DPH6: variants seen among roughly 807,000 people sequenced by gnomAD.
DPH6 encodes diphthine--ammonia ligase.
Under a neutral mutation model 38.2 loss-of-function variants are expected in DPH6, and 33 were observed. That is an observed-to-expected ratio of 0.86 (90% confidence interval 0.65 to 1.15). The LOEUF is 1.15. Among genes scored for constraint, DPH6 ranks in the 50% most tolerant of loss-of-function variants. DPH6 has a pLI of 0.00. For missense variants in DPH6, 325 were observed against 320.0 expected, an observed-to-expected ratio of 1.02 and a Z score of -0.12; for synonymous variants, 108 against 103.0, an observed-to-expected ratio of 1.05 and a Z score of -0.30.
chr15:35,213,874 A>G (rs1027154292), downstream of DPH6, among the ~76,000 whole-genome samples: 2 of 152,232 alleles, frequency 1.3e-5, no homozygotes, highest in African/African-American at 4.8e-5. Flanking sequence ...GCACTTTGGG[A>G]GGCCGAGGCG....
the DPH6 span, among the ~76,000 whole-genome samples, chr15:35,211,052 G>A: frequency 1.4e-5 from 2 of 139,798 alleles, no homozygotes; most frequent in East Asian, 2.2e-4. Context: ...CTGTTGAGAC[G>A]TTTACTAGAT....
chr15:35,185,084 G>GAA, the DPH6 span, among the ~76,000 whole-genome samples: 14 of 148,192 alleles, frequency 9.4e-5, no homozygotes, highest in East Asian at 5.9e-4. Flanking sequence ...TCCAATGTGG[G>GAA]AAAAAAAAAA....
At chr15:35,237,098 G>A (rs1242238467) in intron 3 of DPH6, 10 of 555,912 alleles carry the variant, frequency 1.8e-5, no homozygotes, top group Non-Finnish European at 3.2e-6. Context: ...TAGGTATTGG[G>A]TTTTCCTCTA....
At chr15:35,220,766 A>G (rs890828287) in intron 3 of DPH6, among the ~76,000 whole-genome samples, 9 of 152,158 alleles carry the variant, frequency 5.9e-5, no homozygotes, top group African/African-American at 2.2e-4. Context: ...GGAAAGGACA[A>G]CCATTCAAAA....
chr15:35,255,864 T>G (rs2051704714), intron 3 of DPH6, among the ~76,000 whole-genome samples: 1 of 152,152 alleles, frequency 6.6e-6, no homozygotes, highest in Admixed American at 6.5e-5. Context: ...TTTTCATCTT[T>G]GTCCAACTAA....
intron 3 of DPH6, among the ~76,000 whole-genome samples, chr15:35,456,919 A>C (rs1377213065): frequency 6.6e-6 from 1 of 152,074 alleles, no homozygotes; most frequent in Non-Finnish European, 1.5e-5. Flanking sequence ...CTCTGGAATT[A>C]TCTTCTACTC....
chr15:35,524,725 T>C (rs964314243), intron 3 of DPH6, among the ~76,000 whole-genome samples: 4 of 152,162 alleles, frequency 2.6e-5, no homozygotes, highest in African/African-American at 9.7e-5. Flanking sequence ...ATCTAGAAGA[T>C]AGTGCTACAT....
chr15:35,481,095 C>T (rs1206604289), intron 3 of DPH6, among the ~76,000 whole-genome samples: 9 of 152,054 alleles, frequency 5.9e-5, no homozygotes, highest in Non-Finnish European at 2.9e-5. Context: ...AACTACTACC[C>T]ACATGTGACT....
At chr15:35,429,669 C>T (rs915018036) in intron 5 of DPH6, among the ~76,000 whole-genome samples, 5 of 151,984 alleles carry the variant, frequency 3.3e-5, no homozygotes, top group Admixed American at 3.3e-4. Flanking sequence ...TCTTACCACC[C>T]TTACATACAC....
chr15:35,178,300 G>A, the DPH6 span, among the ~76,000 whole-genome samples: 1,131 of 152,258 alleles, frequency 7.4e-3, 6 homozygotes, highest in Non-Finnish European at 0.011. Context: ...AAGGAAAGAG[G>A]TTTAATTGAC....
chr15:35,451,024 A>G (rs1275231186), intron 4 of DPH6, among the ~76,000 whole-genome samples: 1 of 152,176 alleles, frequency 6.6e-6, no homozygotes, highest in Non-Finnish European at 1.5e-5. Context: ...TTCCAGGCAC[A>G]CTAGAAATAT....
chr15:35,481,431 C>T (rs1302166669), intron 3 of DPH6, among the ~76,000 whole-genome samples: 1 of 152,030 alleles, frequency 6.6e-6, no homozygotes, highest in Non-Finnish European at 1.5e-5. Context: ...GACATATTAA[C>T]CAATTGCAAT....
intron 3 of DPH6, among the ~76,000 whole-genome samples, chr15:35,468,735 G>C (rs1372423725): frequency 4.0e-5 from 6 of 151,434 alleles, no homozygotes; most frequent in Admixed American, 1.3e-4. Context: ...AAGTTTAAGG[G>C]TGGCGAAAAG....
the DPH6 span, among the ~76,000 whole-genome samples, chr15:35,162,658 T>C: frequency 6.6e-6 from 1 of 151,792 alleles, no homozygotes; most frequent in Non-Finnish European, 1.5e-5. Flanking sequence ...TCACAGCACT[T>C]ATAATAATTT....
chr15:35,343,513 A>G (rs995079744), intron 3 of DPH6, among the ~76,000 whole-genome samples: 2 of 151,998 alleles, frequency 1.3e-5, no homozygotes, highest in African/African-American at 2.4e-5. Flanking sequence ...ATACCACACA[A>G]AAGTCCATGA....
chr15:35,542,965 T>TATATATATATATATATAAAAATATATAA (rs58422347), intron 1 of DPH6, among the ~76,000 whole-genome samples: 1 of 76,178 alleles, frequency 1.3e-5, no homozygotes, highest in East Asian at 5.2e-4. Context: ...TATATATATA[T>TATATATATATATATATAAAAATATATAA]AAAATAATTT....
rs550218349 is a variant in DPH6, at chr15:35,291,303, C to T, written n.201-70721G>A. On this transcript the variant is annotated intron_variant and non_coding_transcript_variant, in intron 3 of 3. Coordinates refer to the DPH6 transcript ENST00000560386. ...CATTGTTTCTTTTAGACACATTTGA[C>T]TTACGTTGGGAATCCTTAGAAACTA... 9.9e-5 allele frequency among the ~76,000 whole-genome samples: 15 copies of T among 152,160 alleles called. No homozygotes were observed. In the South Asian group the frequency reaches 2.9e-3, roughly 29 times the overall value.
rs145588912 is a variant in DPH6 at position 35,483,419 on chromosome 15, G to A, written c.313-28599C>T. On this transcript the variant is annotated intron_variant, in intron 3 of 8. Transcript: ENST00000256538. ...GCAGAGGTTGCAGTGAGCTGAGATC[G>A]CACCATTGCATTCCAGCCTGGGCAA... Among the ~76,000 whole-genome samples, 483 of 150,340 alleles carry A rather than the reference G, an allele frequency of 3.2e-3. 2 individuals carry two copies. In the East Asian group the frequency reaches 0.035, roughly 11 times the overall value.
intron 3 of DPH6, among the ~76,000 whole-genome samples, chr15:35,500,778 T>TGTTG (rs751469597): frequency 6.8e-4 from 103 of 152,270 alleles, no homozygotes; most frequent in Non-Finnish European, 6.9e-4. Context: ...TTGTTGTTGT[T>TGTTG]GTTGTTGTTT....
Sources: allele counts gnomAD v4.1 joint callset (sites outside exome capture counted in the v4.1 genomes callset), GRCh38; gene constraint gnomAD v4.1.1; transcripts MANE v1.5; gene names NCBI Gene and HGNC (gene_info 2026-07-23, HGNC 2026-07-21).